Variants in GSE1 observed in about 807,000 individuals in gnomAD.
The protein encoded by GSE1 is Gse1 coiled-coil protein.
Under a neutral mutation model 112.6 loss-of-function variants are expected in GSE1, and 32 were observed. The observed-to-expected ratio is 0.28, with a 90% confidence interval of 0.21 to 0.38. The LOEUF (loss-of-function observed/expected upper bound fraction) is 0.38, where lower values mean the gene tolerates loss of function less well. GSE1 is among the 10% of genes least tolerant of loss of function. The pLI is 1.00. For missense variants in GSE1, 2,348 were observed against 1,699.2 expected (o/e 1.38, Z -6.71); for synonymous variants, 1,115 against 735.6 (o/e 1.52, Z -8.35).
intron 1 of GSE1, among the ~76,000 whole-genome samples, chr16:85,178,861 G>C (rs1482179638): frequency 6.7e-6 from 1 of 150,024 alleles, no homozygotes; most frequent in Non-Finnish European, 1.5e-5. Context: ...GGGACGGTGA[G>C]GAGGGAGGTG....
intron 2 of GSE1, among the ~76,000 whole-genome samples, chr16:85,469,275 C>T (rs576770911): frequency 6.6e-6 from 1 of 151,862 alleles, no homozygotes; most frequent in Admixed American, 6.5e-5. Flanking sequence ...GAAGTGGGCC[C>T]GAAATTCAAT....
intron 1 of GSE1, among the ~76,000 whole-genome samples, chr16:85,337,871 C>G (rs1269973687): frequency 6.6e-6 from 1 of 152,256 alleles, no homozygotes; most frequent in Non-Finnish European, 1.5e-5. Context: ...ATTTGATTTT[C>G]TTTCTGAAAA....
intron 1 of GSE1, among the ~76,000 whole-genome samples, chr16:85,341,035 A>G (rs2046613928): frequency 6.6e-6 from 1 of 152,238 alleles, no homozygotes; most frequent in African/African-American, 2.4e-5. Flanking sequence ...AGAGCAGGGC[A>G]CAGAGCAGAT....
chr16:85,630,041 G>A (rs1315349406), intron 1 of GSE1, among the ~76,000 whole-genome samples: 2 of 152,214 alleles, frequency 1.3e-5, no homozygotes, highest in East Asian at 3.9e-4. Context: ...TCATCAGAAG[G>A]CCAGCCTGGG....
intron 1 of GSE1, chr16:85,285,401 G>C (rs1156956532): frequency 6.6e-6 from 1 of 152,224 alleles, no homozygotes; most frequent in Non-Finnish European, 1.5e-5. Flanking sequence ...AGAAAGCACA[G>C]CCAAGCATGG....
intron 2 of GSE1, among the ~76,000 whole-genome samples, chr16:85,547,130 T>G (rs917091905): frequency 6.6e-6 from 1 of 152,196 alleles, no homozygotes. Flanking sequence ...AAGGATGGCT[T>G]GACCCAGCTG....
Position 85,657,373 on chromosome 16 carries a change from C to A in GSE1, c.1409C>A (p.Ser470Tyr). ...CACCACACGGTGCCCAGCCTCATCT[C>A]CAACCATGGCATCTTCTCTCTGCCT... ...TPHHTVPSLI[S>Y]NHGIFSLPSS... Residue 470 changes from serine to tyrosine, a missense_variant, in exon 8 of 16, where the codon TCC (serine) becomes TAC (tyrosine). Ser to Tyr is a moderately radical substitution (Grantham distance 144). Transcript: ENST00000253458. 6.2e-7 allele frequency: 1 copy of A among 1,612,584 alleles called. No homozygotes were observed. Among genetic ancestry groups the A allele is most frequent in the Non-Finnish European group, 8.5e-7 (1 of 1,179,856 alleles).
rs758684075 is a variant in GSE1, at chr16:85,359,430, T to A, written c.2464+1787T>A. ...CCCCTAGGCGGAGTTTGGCTGTGGT[T>A]TGGGGAGCAGGCCCACCCACTTCTT... On this transcript the variant is annotated intron_variant, in intron 2 of 2. Transcript: ENST00000637419. The A allele has an allele frequency of 2.0e-4, 92 of 455,980 alleles. 1 individual carries two copies. Among genetic ancestry groups the A allele is most frequent in the South Asian group, 1.3e-3 (86 of 64,554 alleles). 28.2% of individuals were successfully genotyped at this position (455,980 alleles called of 1,614,324 possible). A position where few individuals can be genotyped will look rare whatever the true frequency, so the allele number is the denominator to read the frequency against.
intron 3 of GSE1, among the ~76,000 whole-genome samples, chr16:85,649,224 G>T (rs1000137939): frequency 1.3e-5 from 2 of 152,114 alleles, no homozygotes. Context: ...TTTAAAGACC[G>T]TGTCTCCAAA....
Position 85,657,348 on chromosome 16 carries a change from C to G in GSE1, c.1384C>G (p.His462Asp), listed in dbSNP as rs2052051070. The change falls in exon 8 of 16, where the codon CAC (histidine) becomes GAC (aspartate). Residue 462 changes from histidine (H) to aspartate (D), a missense_variant. By Grantham distance (81) the His-to-Asp change is moderately conservative (BLOSUM62 -1). Transcript: ENST00000253458. Reference sequence around the variant, plus strand: ...CCCCTTGCATCCGGTGCCCACCCCACACCACACGGTGCCCAGCCTCATCTC... The same window carrying G: ...CCCCTTGCATCCGGTGCCCACCCCAGACCACACGGTGCCCAGCCTCATCTC... ...QHPLHPVPTPHHTVPSLISNH... is the reference protein window; with the variant it reads ...QHPLHPVPTPDHTVPSLISNH... The G allele has an allele frequency of 6.2e-7, 1 of 1,611,148 alleles. No homozygotes were observed. The highest frequency in any genetic ancestry group is 1.3e-5 in the African/African-American group (1 of 74,886).
rs1399575543 is a variant in GSE1, at chr16:85,556,138, C to G, written c.-189C>G. On this transcript the variant is annotated 5_prime_UTR_variant, in exon 1 of 3. Transcript: ENST00000635906. The stretch of plus-strand genomic sequence containing the variant: ...GAGAGAGAGCCTTTTGATCATCTTG[C>G]GGGGCGGGGGGGGGAAAGACTGATT... The G allele has an allele frequency of 4.8e-5, 38 of 794,538 alleles. No individual in the cohort carries two copies. In the African/African-American group the frequency reaches 7.5e-4, roughly 16 times the overall value. The allele number at this position is 794,538 out of a possible 1,614,324, so 49.2% of individuals were successfully genotyped here.
In GSE1 at chr16:85,675,527, G is replaced by T. The variant is rs1445740330; in HGVS notation, c.*2988G>T. 6.6e-6 allele frequency: 1 copy of T among 152,202 alleles called. No homozygotes were observed. Among genetic ancestry groups the T allele is most frequent in the Non-Finnish European group, 1.5e-5 (1 of 68,036 alleles). The allele number at this position is 152,202 out of a possible 1,614,324, so 9.4% of individuals were successfully genotyped here. On this transcript the variant is annotated 3_prime_UTR_variant, in exon 16 of 16. Coordinates refer to ENST00000253458, the MANE Select transcript of GSE1 (RefSeq NM_014615.5). ...ATTGGGACTAACATTCTGATAGGTT[G>T]CACCCTTAAGAGTATTCAGAGAGCA... is the stretch of plus-strand genomic sequence containing the variant.
At chr16:85,233,465 A>G (rs1174311516) in intron 1 of GSE1, among the ~76,000 whole-genome samples, 1 of 152,060 alleles carries the variant, frequency 6.6e-6, no homozygotes, top group African/African-American at 2.4e-5. Flanking sequence ...TCTCCTCCTG[A>G]GGGGTGGGAA....
chr16:85,665,204 G>A (rs556675824), intron 12 of GSE1, 76 bp downstream of exon 12: 24 of 800,610 alleles, frequency 3.0e-5, no homozygotes, highest in African/African-American at 2.0e-4. Flanking sequence ...GCGACCACTC[G>A]AGGTCTTCAT....
chr16:85,340,078 G>A (rs1002351515), intron 1 of GSE1, among the ~76,000 whole-genome samples: 80 of 151,276 alleles, frequency 5.3e-4, no homozygotes, highest in African/African-American at 1.7e-3. Flanking sequence ...CGATAAAGGT[G>A]TATCCAGAAT....
Position 85,657,486 on chromosome 16 carries a change from A to G in GSE1, c.1522A>G (p.Lys508Glu), listed in dbSNP as rs201621338. 3.2e-5 allele frequency: 52 copies of G among 1,607,294 alleles called. No individual in the cohort carries two copies. The highest frequency in any genetic ancestry group is 1.3e-4 in the East Asian group (6 of 44,548). The change falls in exon 8 of 16, where the codon AAG (lysine) becomes GAG (glutamate). Residue 508 changes from lysine (K) to glutamate (E), a missense_variant. Lys to Glu is a moderately conservative substitution (Grantham distance 56). Transcript: ENST00000253458. ...GCGGCAGCGGCGGCTGCGGCAGGAG[A>G]AGGAGGACCGGCAGTCTCAGGTGTC... Reference protein sequence around the residue: ...LARQRRLRQEKEDRQSQVSEF... With the variant: ...LARQRRLRQEEEDRQSQVSEF...
chr16:85,659,261 C>G (rs1042853501), intron 8 of GSE1: 21 of 152,386 alleles, frequency 1.4e-4, no homozygotes, highest in African/African-American at 5.1e-4. Flanking sequence ...CTGAGCCCGG[C>G]CGTGTGCCTG....
At chr16:85,644,200 C>T (rs989085058) in intron 2 of GSE1, among the ~76,000 whole-genome samples, 1 of 152,104 alleles carries the variant, frequency 6.6e-6, no homozygotes, top group Non-Finnish European at 1.5e-5. Context: ...CTAGCCGGGC[C>T]TGGTGGCACG....
chr16:85,238,567 C>T (rs1597873835), intron 1 of GSE1, among the ~76,000 whole-genome samples: 1 of 152,282 alleles, frequency 6.6e-6, no homozygotes, highest in East Asian at 1.9e-4. Flanking sequence ...CCTCTGCTCG[C>T]TCAGCTCTGC....
Sources: gnomAD v4.1 joint callset for allele counts (sites outside exome capture counted in the v4.1 genomes callset) on GRCh38, gnomAD v4.1.1 for gene constraint, MANE v1.5 for transcripts, NCBI Gene and HGNC (gene_info 2026-07-23, HGNC 2026-07-21) for gene names.